DRC11: variants seen among roughly 807,000 people sequenced by gnomAD.
DRC11 encodes the protein IQ and AAA domain-containing protein 1.
chr2:236,358,879 C>T, the DRC11 span, among the ~76,000 whole-genome samples: 243 of 149,858 alleles, frequency 1.6e-3, no homozygotes, highest in Non-Finnish European at 2.7e-3. Context: ...GCATCGGCTC[C>T]GCATGCCCCA....
chr2:236,471,214 C>A, the DRC11 span, among the ~76,000 whole-genome samples: 4 of 152,126 alleles, frequency 2.6e-5, no homozygotes, highest in African/African-American at 9.7e-5. This position sits in a 1 kb window ranked among gnomAD's most constrained non-coding sequence, Gnocchi z 4.6. Flanking sequence ...TGGCCTGAGG[C>A]ATCTATTTCT....
the DRC11 span, chr2:236,324,804 C>T: frequency 0.012 from 18,925 of 1,566,620 alleles, 170 homozygotes; most frequent in Non-Finnish European, 0.012. The surrounding 1 kb of genome is among the most constrained non-coding windows in gnomAD (Gnocchi z 5.7). Context: ...ATAGAAGTTT[C>T]GGAAAAGGTC....
the DRC11 span, among the ~76,000 whole-genome samples, chr2:236,358,490 A>G: frequency 1.0e-4 from 15 of 144,704 alleles, no homozygotes; most frequent in Non-Finnish European, 2.0e-4. Flanking sequence ...ACAAATGATG[A>G]ACATGCAATA....
the DRC11 span, chr2:236,343,802 G>T: frequency 8.1e-7 from 1 of 1,238,328 alleles, no homozygotes; most frequent in Admixed American, 2.3e-5. The surrounding 1 kb of genome is among the most constrained non-coding windows in gnomAD (Gnocchi z 6.6). Context: ...TGAGTTCTCT[G>T]AAGACTTTCT....
chr2:236,351,314 T>C, the DRC11 span, among the ~76,000 whole-genome samples: 1 of 150,100 alleles, frequency 6.7e-6, no homozygotes, highest in East Asian at 2.0e-4. The surrounding 1 kb of genome is among the most constrained non-coding windows in gnomAD (Gnocchi z 7.3). Flanking sequence ...GTGGGAGAAG[T>C]GGGCGGGTGG....
At chr2:236,493,693 T>C in the DRC11 span, 2 of 1,198,252 alleles carry the variant, frequency 1.7e-6, no homozygotes, top group South Asian at 1.6e-5. Context: ...TAAGTGTTGC[T>C]CACACAATTA....
the DRC11 span, among the ~76,000 whole-genome samples, chr2:236,482,744 T>C: frequency 3.3e-5 from 5 of 152,216 alleles, no homozygotes; most frequent in African/African-American, 9.6e-5. The surrounding 1 kb of genome is among the most constrained non-coding windows in gnomAD (Gnocchi z 4.5). Flanking sequence ...CATCTTACAA[T>C]TGATGATATC....
the DRC11 span, among the ~76,000 whole-genome samples, chr2:236,357,159 CAT>C: frequency 6.0e-5 from 5 of 83,946 alleles, no homozygotes; most frequent in Admixed American, 1.1e-4. Context: ...ATTATGTATT[CAT>C]ATATATCTAT....
At chr2:236,323,880 T>C in the DRC11 span, among the ~76,000 whole-genome samples, 1 of 152,344 alleles carries the variant, frequency 6.6e-6, no homozygotes, top group South Asian at 2.1e-4. The surrounding 1 kb of genome is among the most constrained non-coding windows in gnomAD (Gnocchi z 6.4). Context: ...CCCTACTCTT[T>C]AATCTTTTTC....
the DRC11 span, chr2:236,507,356 C>T: frequency 5.1e-6 from 7 of 1,378,660 alleles, no homozygotes; most frequent in African/African-American, 1.4e-5. Context: ...CAGGGCACTA[C>T]CAGGAGCTAC....
At chr2:236,415,755 C>A in the DRC11 span, among the ~76,000 whole-genome samples, 1 of 152,158 alleles carries the variant, frequency 6.6e-6, no homozygotes, top group African/African-American at 2.4e-5. This position sits in a 1 kb window ranked among gnomAD's most constrained non-coding sequence, Gnocchi z 5.7. Flanking sequence ...AAAATACTTT[C>A]ACCCAACAAA....
At chr2:236,313,884 C>A in the DRC11 span, among the ~76,000 whole-genome samples, 2 of 152,060 alleles carry the variant, frequency 1.3e-5, no homozygotes, top group Non-Finnish European at 2.9e-5. The surrounding 1 kb of genome is among the most constrained non-coding windows in gnomAD (Gnocchi z 4.5). Flanking sequence ...AGGATGGATT[C>A]TTGGTTGCCA....
chr2:236,414,453 A>AC, the DRC11 span, among the ~76,000 whole-genome samples: 1 of 152,086 alleles, frequency 6.6e-6, no homozygotes, highest in Non-Finnish European at 1.5e-5. Context: ...TGAGAGACTA[A>AC]TTTTTAGAAC....
the DRC11 span, among the ~76,000 whole-genome samples, chr2:236,337,606 G>C: frequency 1.7e-4 from 26 of 152,318 alleles, no homozygotes; most frequent in East Asian, 4.6e-3. This position sits in a 1 kb window ranked among gnomAD's most constrained non-coding sequence, Gnocchi z 4.9. Flanking sequence ...CAGGCGTCCT[G>C]AGAGCCCCAG....
the DRC11 span, among the ~76,000 whole-genome samples, chr2:236,352,552 T>C: frequency 1.3e-5 from 2 of 152,114 alleles, no homozygotes; most frequent in Admixed American, 1.3e-4. This position sits in a 1 kb window ranked among gnomAD's most constrained non-coding sequence, Gnocchi z 7.0. Context: ...AATCTGCCCT[T>C]AGAGTTTGTG....
chr2:236,322,811 A>C, the DRC11 span, among the ~76,000 whole-genome samples: 4 of 152,358 alleles, frequency 2.6e-5, no homozygotes, highest in Non-Finnish European at 5.9e-5. Flanking sequence ...GGAAATGAAC[A>C]TTGAATACAA....
the DRC11 span, among the ~76,000 whole-genome samples, chr2:236,316,236 C>T: frequency 3.3e-5 from 5 of 152,014 alleles, no homozygotes; most frequent in South Asian, 2.1e-4. This position sits in a 1 kb window ranked among gnomAD's most constrained non-coding sequence, Gnocchi z 6.8. Context: ...GATCTTGGCT[C>T]ACTGCAACCT....
chr2:236,444,484 G>T, the DRC11 span, among the ~76,000 whole-genome samples: 1 of 152,186 alleles, frequency 6.6e-6, no homozygotes, highest in South Asian at 2.1e-4. Context: ...AACAGATCTT[G>T]AAGGCCCCCA....
At chr2:236,450,581 G>A in the DRC11 span, among the ~76,000 whole-genome samples, 1 of 152,102 alleles carries the variant, frequency 6.6e-6, no homozygotes. Context: ...GCCTCCCAAA[G>A]TGCTGGGATT....
Sources: gnomAD v4.1 joint callset for allele counts (sites outside exome capture counted in the v4.1 genomes callset) on GRCh38, gnomAD v4.1.1 for gene constraint, Gnocchi (gnomAD v3.1) non-coding constraint, MANE v1.5 for transcripts, NCBI Gene and HGNC (gene_info 2026-07-23, HGNC 2026-07-21) for gene names.